Variants in PIK3R6 observed in about 807,000 individuals in gnomAD.
PIK3R6 encodes phosphoinositide 3-kinase regulatory subunit 6.
In PIK3R6, 91 loss-of-function variants were observed where a neutral mutation model predicts 84.9. That is an observed-to-expected ratio of 1.07 (90% CI 0.90 to 1.28). The LOEUF is 1.28. Among genes scored for constraint, PIK3R6 ranks in the 50% most tolerant of loss-of-function variants. The pLI, the probability that PIK3R6 is intolerant of heterozygous loss-of-function variation, is 0.00. For synonymous variants in PIK3R6, 416 were observed against 411.4 expected (o/e 1.01, Z -0.13); for missense variants, 996 against 985.1 (o/e 1.01, Z -0.15).
chr17:8,814,514 A>G (rs1403808238), intron 18 of PIK3R6, among the ~76,000 whole-genome samples: 1 of 151,974 alleles, frequency 6.6e-6, no homozygotes, highest in Non-Finnish European at 1.5e-5. Context: ...CACCGTGCCC[A>G]GTCAAGAGAC....
At chr17:8,838,244 C>T in intron 4 of PIK3R6, 1 of 426,582 alleles carries the variant, frequency 2.3e-6, no homozygotes, top group Non-Finnish European at 4.3e-6. Flanking sequence ...TTAGGTGGCC[C>T]GAGGATAATT....
intron 18 of PIK3R6, among the ~76,000 whole-genome samples, chr17:8,809,386 A>G (rs1230228094): frequency 6.6e-6 from 1 of 152,220 alleles, no homozygotes; most frequent in Non-Finnish European, 1.5e-5. Flanking sequence ...TAAAACAATT[A>G]CACAAGACTG....
intron 2 of PIK3R6, among the ~76,000 whole-genome samples, chr17:8,845,893 C>T (rs538919116): frequency 2.6e-5 from 4 of 152,234 alleles, no homozygotes; most frequent in Non-Finnish European, 5.9e-5. Flanking sequence ...GCTGAGATTA[C>T]GCCACTGCAC....
chr17:8,850,514 T>A (rs1290364031), intron 1 of PIK3R6, among the ~76,000 whole-genome samples: 1 of 152,146 alleles, frequency 6.6e-6, no homozygotes, highest in Non-Finnish European at 1.5e-5. Flanking sequence ...AAATAGCTAG[T>A]AAGCAAGGAA....
At chr17:8,823,527 A>G (rs1352500643) in intron 13 of PIK3R6, 30 bp from the exon 14 acceptor site, 2 of 1,488,242 alleles carry the variant, frequency 1.3e-6, no homozygotes, top group East Asian at 4.6e-5. Flanking sequence ...TGTCTTCACC[A>G]ACTCCCCCAA....
At chr17:8,835,838 A>T (rs1381854320) in intron 7 of PIK3R6, among the ~76,000 whole-genome samples, 2 of 151,592 alleles carry the variant, frequency 1.3e-5, no homozygotes, top group Admixed American at 6.6e-5. Context: ...CTCTGAGTGA[A>T]TCTCACCTTC....
chr17:8,820,253 G>T (rs2037748354), intron 17 of PIK3R6, among the ~76,000 whole-genome samples: 1 of 152,062 alleles, frequency 6.6e-6, no homozygotes, highest in Non-Finnish European at 1.5e-5. Flanking sequence ...GCTCTACCGA[G>T]GGTGCTGGCA....
At chr17:8,864,529 CTTTTTTTTTTTTTTTTTTT>C (rs35714531) in intron 1 of PIK3R6, among the ~76,000 whole-genome samples, 1 of 65,542 alleles carries the variant, frequency 1.5e-5, no homozygotes, top group African/African-American at 6.9e-5. Flanking sequence ...CTTCACAGCT[CTTTTTTTTTTTTTTTTTTT>C]TTTTTTTTTA....
chr17:8,839,614 C>G lies in PIK3R6; in HGVS notation c.97G>C (p.Gly33Arg), dbSNP rs766802822. The stretch of plus-strand genomic sequence containing the variant: ...GCTGCTGCTGCCAGCTGGCTCTTAC[C>G]TTGGTTGCTCTGCAGGGCAGGGGCC... ...TQAPALQSNQ[G>R]MWRWSLHKKV... The change falls in exon 3 of 20, where the codon GGC becomes CGC. Residue 33 changes from glycine to arginine, a missense_variant and splice_region_variant. Coordinates refer to ENST00000619866, the MANE Select transcript of PIK3R6 (RefSeq NM_001010855.4). This position sits in a 1 kb window ranked among gnomAD's most constrained non-coding sequence, Gnocchi z 4.2. 2 of 1,567,532 alleles carry G rather than the reference C, an allele frequency of 1.3e-6. No individual in the cohort carries two copies. Among genetic ancestry groups the G allele is most frequent in the Non-Finnish European group, 1.7e-6 (2 of 1,155,972 alleles).
chr17:8,814,880 A>G (rs529028509), intron 18 of PIK3R6, among the ~76,000 whole-genome samples: 1 of 152,308 alleles, frequency 6.6e-6, no homozygotes, highest in South Asian at 2.1e-4. Context: ...TGTGACATTC[A>G]GAATCTTCTC....
At chr17:8,819,961 T>A (rs2087681524) in intron 17 of PIK3R6, among the ~76,000 whole-genome samples, 1 of 146,702 alleles carries the variant, frequency 6.8e-6, no homozygotes, top group African/African-American at 2.5e-5. Flanking sequence ...ATATATTTTT[T>A]TTTTGAGACA....
At chr17:8,818,447 G>A (rs967868652) in intron 18 of PIK3R6, among the ~76,000 whole-genome samples, 5 of 152,100 alleles carry the variant, frequency 3.3e-5, no homozygotes, top group Admixed American at 1.3e-4. Flanking sequence ...TCAGGAATTC[G>A]AGACCAGCCT....
At chr17:8,829,449 C>A (rs1026947882) in intron 10 of PIK3R6, among the ~76,000 whole-genome samples, 2 of 150,808 alleles carry the variant, frequency 1.3e-5, no homozygotes, top group African/African-American at 2.5e-5. Context: ...CACACTGACA[C>A]GCATCCACAC....
rs373728340 is a variant in PIK3R6 at position 8,835,302 on chromosome 17, G to T, written c.616C>A (p.His206Asn). Residue 206 changes from histidine to asparagine, a missense_variant, in exon 8 of 20, where the codon CAC becomes AAC. His to Asn is a moderately conservative substitution (Grantham distance 68, BLOSUM62 1). Coordinates refer to ENST00000619866, the MANE Select transcript of PIK3R6 (RefSeq NM_001010855.4). ...AGCTTCCTGTGCAGAGCGCCTGCGT[G>T]ACAGGCCTCCCCCAGAGCCGCCTGC... is the stretch of plus-strand genomic sequence containing the variant. ...ALQAALGEAC[H>N]AGALHRKLQA... 1.3e-6 allele frequency: 2 copies of T among 1,587,942 alleles called. No individual in the cohort carries two copies. Among genetic ancestry groups the T allele is most frequent in the African/African-American group, 2.7e-5 (2 of 74,398 alleles).
Position 8,815,506 on chromosome 17 carries a change from G to GA in PIK3R6, c.1995+3576dup, listed in dbSNP as rs776044439. Among the ~76,000 whole-genome samples the GA allele has an allele frequency of 2.4e-3, 267 of 109,858 alleles. 1 individual carries two copies. The highest frequency in any genetic ancestry group is 0.014 in the Middle Eastern group (3 of 220). 72.1% of individuals were successfully genotyped at this position (109,858 alleles called of 152,430 possible). On this transcript the variant is annotated intron_variant, in intron 18 of 19. Coordinates refer to ENST00000619866, the MANE Select transcript of PIK3R6 (RefSeq NM_001010855.4). ...GGCAACAGAGTGAGACTCAGTCTCA[G>GA]AAAAAAAAAAAAAAGGTTGATCACG...
rs776156087 is a variant in PIK3R6, at chr17:8,828,895, C to T, written c.985G>A (p.Glu329Lys). ...LDLQGLRPDR[E>K]LARVSVLSTD... is the part of the protein sequence containing the mutation. Reference sequence around the variant, plus strand: ...GACAGCACAGAAACCCGGGCCAACTCCCGGTCCGGCCGGAGGCCCTGCAGA... The same window carrying T: ...GACAGCACAGAAACCCGGGCCAACTTCCGGTCCGGCCGGAGGCCCTGCAGA... The change falls in exon 11 of 20, where the codon GAG becomes AAG. Residue 329 changes from glutamate (E) to lysine (K), a missense_variant. Glu to Lys is a moderately conservative substitution (Grantham distance 56). Coordinates refer to ENST00000619866, the MANE Select transcript of PIK3R6 (RefSeq NM_001010855.4). 5.8e-6 allele frequency: 9 copies of T among 1,563,698 alleles called. No homozygotes were observed. Among genetic ancestry groups the T allele is most frequent in the African/African-American group, 4.1e-5 (3 of 73,070 alleles).
At position 8,828,655 on chromosome 17, in the gene PIK3R6, C is replaced by G. The variant is rs377554327; in HGVS notation, c.1225G>C (p.Gly409Arg). 1.2e-5 allele frequency: 20 copies of G among 1,613,048 alleles called. No homozygotes were observed. In the African/African-American group the frequency reaches 2.0e-4, roughly 16 times the overall value. The change falls in exon 11 of 20, where the codon GGC becomes CGC. Residue 409 changes from glycine to arginine, a missense_variant. Physicochemically the swap from Gly to Arg is moderately radical, Grantham distance 125 (BLOSUM62 -2). Coordinates refer to ENST00000619866, the MANE Select transcript of PIK3R6 (RefSeq NM_001010855.4). ...CGGGCTGTGTGCAGCCGGGACACGC[C>G]GGGCAGCATTTCCCCATCCCCACTG... is the stretch of plus-strand genomic sequence containing the variant. ...RPSGDGEMLP[G>R]VSRLHTARVL...
chr17:8,866,006 G>A (rs2089402627), intron 1 of PIK3R6, among the ~76,000 whole-genome samples: 1 of 152,160 alleles, frequency 6.6e-6, no homozygotes, highest in Non-Finnish European at 1.5e-5. Context: ...CGTGTCAGCC[G>A]AGGCGCTTTC....
chr17:8,858,310 CTTTTTTT>C (rs752142944), intron 1 of PIK3R6, among the ~76,000 whole-genome samples: 9 of 95,516 alleles, frequency 9.4e-5, no homozygotes, highest in Middle Eastern at 6.8e-3. Flanking sequence ...CTCAATTAAT[CTTTTTTT>C]TTTTTTTTTT....
Sources: gnomAD v4.1 joint callset for allele counts (sites outside exome capture counted in the v4.1 genomes callset) on GRCh38, gnomAD v4.1.1 for gene constraint, Gnocchi (gnomAD v3.1) non-coding constraint, MANE v1.5 for transcripts, NCBI Gene and HGNC (gene_info 2026-07-23, HGNC 2026-07-21) for gene names.